SDCCAG8: variants seen among roughly 807,000 people sequenced by gnomAD.
The protein encoded by SDCCAG8 is serologically defined colon cancer antigen 8.
A neutral mutation model predicts 101.8 loss-of-function variants in SDCCAG8; 74 were observed. The observed-to-expected ratio is 0.73, with a 90% CI of 0.60 to 0.88. The LOEUF is 0.88. Among genes scored for constraint, SDCCAG8 ranks in the 40% least tolerant of loss-of-function variants. The pLI, the probability that SDCCAG8 is intolerant of heterozygous loss-of-function variation, is 0.00. For missense variants in SDCCAG8, 787 were observed against 822.6 expected (o/e 0.96, Z 0.53); for synonymous variants, 281 against 292.9 (o/e 0.96, Z 0.41).
chr1:243,297,265 C>G (rs2071023376), intron 6 of SDCCAG8, among the ~76,000 whole-genome samples: 1 of 152,184 alleles, frequency 6.6e-6, no homozygotes, highest in Non-Finnish European at 1.5e-5. Context: ...GTTACATTGG[C>G]CGAAGTTTGT....
In SDCCAG8 at chr1:243,426,357, T is replaced by C. The variant is rs1177259853; in HGVS notation, c.1854-70T>C. ...TGTGGAGTTTAAGATAATGTTAAGG[T>C]TATATAATAACAATATGCCCTAGTA... is the stretch of plus-strand genomic sequence containing the variant. On this transcript the variant is annotated intron_variant, in intron 15 of 17. Coordinates refer to ENST00000366541, the MANE Select transcript of SDCCAG8 (RefSeq NM_006642.5). The C allele has an allele frequency of 3.8e-6, 5 of 1,305,854 alleles. No homozygotes were observed. In the East Asian group the frequency reaches 1.2e-4, roughly 32 times the overall value. The allele number at this position is 1,305,854 out of a possible 1,614,324, so 80.9% of individuals were successfully genotyped here.
intron 16 of SDCCAG8, among the ~76,000 whole-genome samples, chr1:243,480,444 T>G (rs1574297512): frequency 2.3e-5 from 1 of 43,232 alleles, no homozygotes; most frequent in Non-Finnish European, 4.4e-5. Flanking sequence ...ATGGGTGGGA[T>G]GGATGAATGG....
In SDCCAG8 at chr1:243,270,052, G is replaced by A. The variant is rs534150099; in HGVS notation, c.68-53G>A. ...AAACTGCCTTCCTGAGTAAGTGTCC[G>A]TTTGGTCAACCAGACTCCATGGGTC... On this transcript the variant is annotated intron_variant, in intron 1 of 17. Transcript: ENST00000366541. 8.6e-5 allele frequency: 139 copies of A among 1,613,596 alleles called. 1 individual carries two copies. The highest frequency in any genetic ancestry group is 9.6e-5 in the Non-Finnish European group (113 of 1,179,860).
At chr1:243,342,327 C>T (rs1457704461) in intron 11 of SDCCAG8, among the ~76,000 whole-genome samples, 3 of 152,146 alleles carry the variant, frequency 2.0e-5, no homozygotes, top group Admixed American at 6.5e-5. Flanking sequence ...ATCAGAAGAG[C>T]GATTAGACTA....
At chr1:243,346,723 C>CT (rs1436329907) in intron 12 of SDCCAG8, among the ~76,000 whole-genome samples, 1 of 152,146 alleles carries the variant, frequency 6.6e-6, no homozygotes, top group East Asian at 1.9e-4. Flanking sequence ...TTCCCATCAA[C>CT]TCCTTTGTAT....
At chr1:243,468,935 T>A (rs1039255867) in intron 16 of SDCCAG8, among the ~76,000 whole-genome samples, 4 of 152,184 alleles carry the variant, frequency 2.6e-5, no homozygotes, top group African/African-American at 9.7e-5. Context: ...TAATAATGAT[T>A]GTATGTTTAT....
rs1011512846 is a variant in SDCCAG8, at chr1:243,458,116, G to A, written c.1986-30898G>A. Among the ~76,000 whole-genome samples the A allele has an allele frequency of 2.0e-5, 3 of 152,154 alleles. No homozygotes were observed. The highest frequency in any genetic ancestry group is 2.9e-5 in the Non-Finnish European group (2 of 68,032). On this transcript the variant is annotated intron_variant, in intron 16 of 17. Transcript: ENST00000366541. The surrounding 1 kb of genome is among the most constrained non-coding windows in gnomAD (Gnocchi z 4.5). ...TCTTGACTTTTGTGTGGGTCAGAGT[G>A]AGTTACTAATTTTAGAAGTGTTCTC...
chr1:243,392,961 T>C lies in SDCCAG8; in HGVS notation c.1616+14098T>C, dbSNP rs557829894. Reference sequence around the variant, plus strand: ...AAATGAAATGGGCAGAAACAGAGTGTAGATTACCTCCTTTTTGTCAAAAAT... The same window carrying C: ...AAATGAAATGGGCAGAAACAGAGTGCAGATTACCTCCTTTTTGTCAAAAAT... On this transcript the variant is annotated intron_variant, in intron 13 of 17. Transcript: ENST00000366541. Among the ~76,000 whole-genome samples, 4 of 152,306 alleles carry C rather than the reference T, an allele frequency of 2.6e-5. No homozygotes were observed. The South Asian group carries it at 8.3e-4, about 32-fold the overall frequency.
At chr1:243,453,386 A>G (rs183586826) in intron 16 of SDCCAG8, among the ~76,000 whole-genome samples, 182 of 152,018 alleles carry the variant, frequency 1.2e-3, no homozygotes, top group Middle Eastern at 6.8e-3. Flanking sequence ...CTATGGCAGC[A>G]CTCCTGAGCT....
At chr1:243,358,709 T>TATCA (rs1378167750) in intron 12 of SDCCAG8, among the ~76,000 whole-genome samples, 1 of 152,152 alleles carries the variant, frequency 6.6e-6, no homozygotes, top group African/African-American at 2.4e-5. Flanking sequence ...CCCAAATGTC[T>TATCA]ATCAACTGAT....
intron 8 of SDCCAG8, among the ~76,000 whole-genome samples, chr1:243,316,487 G>C (rs951809699): frequency 2.0e-5 from 3 of 152,028 alleles, no homozygotes; most frequent in Non-Finnish European, 4.4e-5. Context: ...CTCTTCTCTG[G>C]GCTTTCCCCT....
At chr1:243,301,239 G>A (rs2149309668) in intron 6 of SDCCAG8, among the ~76,000 whole-genome samples, 1 of 151,998 alleles carries the variant, frequency 6.6e-6, no homozygotes, top group Non-Finnish European at 1.5e-5. Flanking sequence ...TTGCTATTGT[G>A]GTGAGTTCAA....
intron 17 of SDCCAG8, among the ~76,000 whole-genome samples, chr1:243,496,261 G>A (rs1025597482): frequency 9.9e-5 from 15 of 152,184 alleles, no homozygotes; most frequent in Admixed American, 7.2e-4. Flanking sequence ...GCAGGTACCC[G>A]AGCGGGTGCG....
intron 16 of SDCCAG8, among the ~76,000 whole-genome samples, chr1:243,469,200 A>G (rs1660738361): frequency 6.6e-6 from 1 of 152,132 alleles, no homozygotes. Flanking sequence ...GTCGAATTGG[A>G]CTCATATTAT....
chr1:243,401,129 G>A (rs541687014), intron 13 of SDCCAG8, among the ~76,000 whole-genome samples: 4 of 152,202 alleles, frequency 2.6e-5, no homozygotes, highest in East Asian at 1.9e-4. Context: ...TAATGATAAC[G>A]ACTGGAATTG....
chr1:243,328,063 C>T (rs911975023), intron 9 of SDCCAG8, among the ~76,000 whole-genome samples: 5 of 151,758 alleles, frequency 3.3e-5, no homozygotes, highest in Admixed American at 6.6e-5. Flanking sequence ...CCGCCACACC[C>T]GGCTAATTTT....
chr1:243,303,723 G>T (rs567669808), intron 6 of SDCCAG8, among the ~76,000 whole-genome samples: 1 of 151,940 alleles, frequency 6.6e-6, no homozygotes. Flanking sequence ...TTATATTATT[G>T]TTAAGTCTTC....
At chr1:243,338,197 G>A (rs994261769) in intron 10 of SDCCAG8, among the ~76,000 whole-genome samples, 2 of 152,120 alleles carry the variant, frequency 1.3e-5, no homozygotes, top group Non-Finnish European at 2.9e-5. Context: ...TTCCAAGCAT[G>A]AGCCACAGTG....
At chr1:243,421,592 T>C (rs1364225113) in intron 15 of SDCCAG8, among the ~76,000 whole-genome samples, 3 of 152,168 alleles carry the variant, frequency 2.0e-5, no homozygotes, top group African/African-American at 7.2e-5. Flanking sequence ...CACGTAGTGG[T>C]GTCTGTAACC....
Sources: allele counts gnomAD v4.1 joint callset (sites outside exome capture counted in the v4.1 genomes callset), GRCh38; gene constraint gnomAD v4.1.1; non-coding constraint Gnocchi (gnomAD v3.1); transcripts MANE v1.5; gene names NCBI Gene and HGNC (gene_info 2026-07-23, HGNC 2026-07-21).